CCDC73: variants seen among roughly 807,000 people sequenced by gnomAD.
CCDC73 encodes the protein coiled-coil domain-containing protein 73.
In CCDC73, 95 loss-of-function variants were observed where a neutral mutation model predicts 116.5. That is an observed-to-expected ratio of 0.82 (90% confidence interval 0.69 to 0.97). The LOEUF (loss-of-function observed/expected upper bound fraction) is 0.97, where lower values mean the gene tolerates loss of function less well. Among genes scored for constraint, CCDC73 ranks in the 50% least tolerant of loss-of-function variants. The pLI, the probability that CCDC73 is intolerant of heterozygous loss-of-function variation, is 0.00. For synonymous variants in CCDC73, 398 were observed against 401.3 expected, an observed-to-expected ratio of 0.99 and a Z score of 0.10; for missense variants, 1,066 against 1,206.8, an observed-to-expected ratio of 0.88 and a Z score of 1.73.
chr11:32,642,985 T>A (rs1475345408), intron 12 of CCDC73, among the ~76,000 whole-genome samples: 1 of 151,438 alleles, frequency 6.6e-6, no homozygotes, highest in Non-Finnish European at 1.5e-5. Context: ...GTACGTAAAA[T>A]ATATATATAT....
the CCDC73 span, among the ~76,000 whole-genome samples, chr11:32,821,332 C>T: frequency 6.6e-6 from 1 of 151,906 alleles, no homozygotes. Flanking sequence ...TAAATGTGTC[C>T]AAAAAAATCA....
At chr11:32,619,890 G>C (rs1289418239) in intron 14 of CCDC73, among the ~76,000 whole-genome samples, 4 of 144,820 alleles carry the variant, frequency 2.8e-5, no homozygotes, top group Non-Finnish European at 4.5e-5. Flanking sequence ...GGAGGGGAAG[G>C]GAGGGAGGGG....
At chr11:32,753,999 T>C (rs1180846802) in intron 2 of CCDC73, among the ~76,000 whole-genome samples, 1 of 152,246 alleles carries the variant, frequency 6.6e-6, no homozygotes, top group African/African-American at 2.4e-5. Context: ...TGAATTGACT[T>C]GTCTTTTTAA....
At chr11:32,634,927 G>A (rs994248124) in intron 14 of CCDC73, among the ~76,000 whole-genome samples, 1 of 152,068 alleles carries the variant, frequency 6.6e-6, no homozygotes, top group Admixed American at 6.6e-5. Flanking sequence ...TTCATGTACA[G>A]CCTGGACAAC....
rs1855841054 is a variant in CCDC73 at position 32,653,121 on chromosome 11, A to G, written c.939+2T>C. The G allele has an allele frequency of 6.3e-7, 1 of 1,579,024 alleles. No individual in the cohort carries two copies. Among genetic ancestry groups the G allele is most frequent in the Admixed American group, 1.7e-5 (1 of 59,028 alleles). On this transcript the variant is annotated splice_donor_variant, in intron 12 of 17. Transcript: ENST00000335185. LOFTEE classifies it high-confidence loss of function. ...ACAGACAGACAGACAGATAGAACGA[A>G]CCTGATTATTTTCTTTTAGCACCTT... is the stretch of plus-strand genomic sequence containing the variant.
At chr11:32,656,368 C>T (rs1354102295) in intron 9 of CCDC73, among the ~76,000 whole-genome samples, 4 of 152,234 alleles carry the variant, frequency 2.6e-5, no homozygotes, top group East Asian at 1.9e-4. Context: ...CGTGAGCCAC[C>T]GCGCCCGGCC....
chr11:32,613,635 T>C lies in CCDC73; in HGVS notation c.2683A>G (p.Thr895Ala). 6.2e-7 allele frequency: 1 copy of C among 1,613,966 alleles called. No individual in the cohort carries two copies. Among genetic ancestry groups the C allele is most frequent in the Non-Finnish European group, 8.5e-7 (1 of 1,179,912 alleles). Residue 895 changes from threonine (T) to alanine (A), a missense_variant, in exon 16 of 18, where the codon ACT becomes GCT. Coordinates refer to ENST00000335185, the MANE Select transcript of CCDC73 (RefSeq NM_001008391.4). The stretch of plus-strand genomic sequence containing the variant: ...TTCATGTATACTGGAGTTTTCTCAG[T>C]TTTTTTATCTGAAGTTGAAAGATCA... The part of the protein sequence containing the change: ...TFDLSTSDKK[T>A]EKTPVYMNFS...
the CCDC73 span, among the ~76,000 whole-genome samples, chr11:32,814,067 T>C: frequency 6.6e-6 from 1 of 152,250 alleles, no homozygotes; most frequent in Admixed American, 6.5e-5. Flanking sequence ...GAAGTTTTAA[T>C]AATTTTCCTC....
At chr11:32,770,607 G>A (rs1410846693) in intron 1 of CCDC73, among the ~76,000 whole-genome samples, 1 of 152,178 alleles carries the variant, frequency 6.6e-6, no homozygotes, top group Admixed American at 6.5e-5. Context: ...AAGCAATAAA[G>A]AAACTGTTAC....
chr11:32,724,746 A>G (rs1228546521), intron 2 of CCDC73, among the ~76,000 whole-genome samples: 3 of 152,166 alleles, frequency 2.0e-5, no homozygotes, highest in Non-Finnish European at 4.4e-5. Flanking sequence ...TTCCAGGTCA[A>G]CATAATTCCT....
At chr11:32,759,916 G>A (rs894342641) in intron 2 of CCDC73, among the ~76,000 whole-genome samples, 193 bp downstream of exon 2, 1 of 152,056 alleles carries the variant, frequency 6.6e-6, no homozygotes, top group African/African-American at 2.4e-5. Flanking sequence ...TTGTGCTTTA[G>A]TTTCCAAATT....
chr11:32,603,328 AGTTGGCAT>A lies in CCDC73; in HGVS notation c.3031-316_3031-309del, dbSNP rs200125428. ...CAGGAAGGGCAGTGAGATATTTGGAAGTTGGCATGTTTTCAAGACACTGTATTGGGTAA... is the reference window on the plus strand; with the variant it reads ...CAGGAAGGGCAGTGAGATATTTGGAAGTTTTCAAGACACTGTATTGGGTAA... On this transcript the variant is annotated intron_variant, in intron 17 of 17. Transcript: ENST00000335185. 1,180 of 245,154 alleles carry A rather than the reference AGTTGGCAT, an allele frequency of 4.8e-3. 14 individuals are homozygous for A. Among genetic ancestry groups the A allele is most frequent in the African/African-American group, 0.025 (1,115 of 44,778 alleles). 15.2% of individuals were successfully genotyped at this position (245,154 alleles called of 1,614,324 possible). A position where few individuals can be genotyped will look rare whatever the true frequency, so the allele number is the denominator to read the frequency against.
rs1490828106 is a variant in CCDC73 at position 32,658,242 on chromosome 11, CT to C, written c.646-3271del. 2.0e-5 allele frequency among the ~76,000 whole-genome samples: 3 copies of C among 152,236 alleles called. No individual in the cohort carries two copies. In the East Asian group the frequency reaches 5.8e-4, roughly 29 times the overall value. On this transcript the variant is annotated intron_variant, in intron 9 of 17. Coordinates refer to ENST00000335185, the MANE Select transcript of CCDC73 (RefSeq NM_001008391.4). ...CCTCTGTCTACAACTACGTAAATAG[CT>C]TTCATTTACGTAGTTCATTAATCTT...
chr11:32,743,128 T>C (rs1254913648), intron 2 of CCDC73, among the ~76,000 whole-genome samples: 3 of 152,226 alleles, frequency 2.0e-5, no homozygotes, highest in African/African-American at 7.2e-5. Flanking sequence ...AGGATTGTCT[T>C]GTCAATGCGG....
chr11:32,788,433 CT>C (rs2133404601), intron 1 of CCDC73, among the ~76,000 whole-genome samples: 1 of 151,348 alleles, frequency 6.6e-6, no homozygotes, highest in Admixed American at 6.6e-5. Context: ...ATAAATCTTT[CT>C]GTTTAAGGAA....
intron 9 of CCDC73, among the ~76,000 whole-genome samples, chr11:32,660,548 G>T (rs1855913824): frequency 1.3e-5 from 2 of 152,072 alleles, no homozygotes. Context: ...ATACCGGTTG[G>T]GTGTGATGGC....
At chr11:32,622,868 A>C (rs927116728) in intron 14 of CCDC73, among the ~76,000 whole-genome samples, 18 of 152,020 alleles carry the variant, frequency 1.2e-4, no homozygotes, top group African/African-American at 4.1e-4. Context: ...AAAAAAAATC[A>C]GATGAACGAA....
Position 32,642,051 on chromosome 11 carries a change from T to C in CCDC73, c.971A>G (p.Glu324Gly). The change falls in exon 13 of 18, where the codon GAG (glutamate) becomes GGG (glycine). Residue 324 changes from glutamate (E) to glycine (G), a missense_variant. By Grantham distance (98) the Glu-to-Gly change is moderately conservative. Transcript: ENST00000335185. ...CTTTTCTTCATTTTCTTTTACCTTC[T>C]CCCTTTGCAGCTCATTATCTCTTTC... ...TLERDNELQREKVKENEEKFL... is the reference protein window; with the variant it reads ...TLERDNELQRGKVKENEEKFL... The C allele has an allele frequency of 9.5e-6, 15 of 1,573,860 alleles. No homozygotes were observed. The highest frequency in any genetic ancestry group is 1.3e-5 in the Non-Finnish European group (15 of 1,159,096).
intron 2 of CCDC73, among the ~76,000 whole-genome samples, chr11:32,736,759 C>G (rs1163463921): frequency 6.6e-6 from 1 of 151,814 alleles, no homozygotes; most frequent in Admixed American, 6.6e-5. Flanking sequence ...TTGGAACCAA[C>G]CCAGATGTCC....
Sources: allele counts gnomAD v4.1 joint callset (sites outside exome capture counted in the v4.1 genomes callset), GRCh38; gene constraint gnomAD v4.1.1; transcripts MANE v1.5; gene names NCBI Gene and HGNC (gene_info 2026-07-23, HGNC 2026-07-21).